Variants in HGD observed in about 807,000 individuals in gnomAD.
The protein encoded by HGD is homogentisate 1,2-dioxygenase.
Under a neutral mutation model 60.8 loss-of-function variants are expected in HGD, and 61 were observed. The ratio of observed to expected loss-of-function variants is 1.00; its 90% CI spans 0.82 to 1.24. The LOEUF is 1.24. Among genes scored for constraint, HGD ranks in the 50% most tolerant of loss-of-function variants. The probability of loss-of-function intolerance (pLI) is 0.00; values close to 1 mark genes in which losing one functional copy is unlikely to be tolerated. For missense variants in HGD, 542 were observed against 547.1 expected (o/e 0.99, Z 0.09); for synonymous variants, 212 against 187.7 (o/e 1.13, Z -1.06).
At chr3:120,679,950 G>A (rs1162193694) in intron 1 of HGD, among the ~76,000 whole-genome samples, 1 of 152,188 alleles carries the variant, frequency 6.6e-6, no homozygotes, top group Non-Finnish European at 1.5e-5. Flanking sequence ...AGCAGCAAGA[G>A]GAAATCAGTT....
intron 1 of HGD, among the ~76,000 whole-genome samples, chr3:120,678,489 G>C (rs970771369): frequency 6.6e-6 from 1 of 152,198 alleles, no homozygotes; most frequent in African/African-American, 2.4e-5. Context: ...CCCATTCTTT[G>C]TAACTGGTGG....
chr3:120,644,395 C>T lies in HGD; in HGVS notation c.698G>A (p.Trp233Ter). The change falls in exon 10 of 14, where the codon TGG becomes TAG. Residue 233 changes from tryptophan (W) to a stop codon, truncating the protein, a stop_gained. Coordinates refer to ENST00000283871, the MANE Select transcript of HGD (RefSeq NM_000187.4). LOFTEE classifies it high-confidence loss of function. ...NPRDFLIPIAWYEDRQVPGGY... is the reference protein window; with the variant it reads ...NPRDFLIPIA Reference sequence around the variant, plus strand: ...ACCTGGTACTTGGCGATCCTCATACCAGGCAATGGGTATCAAGAAATCACG... The same window carrying T: ...ACCTGGTACTTGGCGATCCTCATACTAGGCAATGGGTATCAAGAAATCACG... The T allele has an allele frequency of 6.2e-7, 1 of 1,614,092 alleles. No individual in the cohort carries two copies. The highest frequency in any genetic ancestry group is 1.1e-5 in the South Asian group (1 of 91,074).
intron 7 of HGD, among the ~76,000 whole-genome samples, 185 bp downstream of exon 7, chr3:120,647,692 G>A (rs1174575142): frequency 6.6e-6 from 1 of 152,160 alleles, no homozygotes; most frequent in Non-Finnish European, 1.5e-5. Context: ...ATAGAGTAGG[G>A]GCTTTGAGGT....
intron 3 of HGD, among the ~76,000 whole-genome samples, chr3:120,673,277 C>A (rs1708059782): frequency 6.6e-6 from 1 of 152,158 alleles, no homozygotes; most frequent in Non-Finnish European, 1.5e-5. Context: ...GGAACAGTGC[C>A]AGCTTCTTAA....
intron 2 of HGD, 142 bp from the exon 3 acceptor site, chr3:120,675,131 C>T (rs2107556302): frequency 3.0e-6 from 2 of 664,372 alleles, no homozygotes; most frequent in Admixed American, 4.1e-5. Flanking sequence ...CTTGTAACAA[C>T]TTTTGATGTG....
intron 4 of HGD, among the ~76,000 whole-genome samples, chr3:120,668,658 G>C (rs1707955564): frequency 6.6e-6 from 1 of 152,196 alleles, no homozygotes; most frequent in Non-Finnish European, 1.5e-5. Context: ...AGCTGTATCA[G>C]AATCATGGTT....
chr3:120,644,016 A>T (rs1941078771), intron 10 of HGD, among the ~76,000 whole-genome samples: 1 of 152,150 alleles, frequency 6.6e-6, no homozygotes, highest in African/African-American at 2.4e-5. Context: ...AAACCTACAT[A>T]TTGCTAATAT....
intron 12 of HGD, chr3:120,633,538 T>C (rs907180056): frequency 2.7e-6 from 4 of 1,490,462 alleles, no homozygotes; most frequent in Admixed American, 2.0e-5. Flanking sequence ...TCCATGGCCA[T>C]GTGGATTATC....
In HGD at chr3:120,646,273, G is replaced by T; in HGVS notation, c.643C>A (p.Pro215Thr). The T allele has an allele frequency of 1.3e-6, 2 of 1,598,894 alleles. No individual in the cohort carries two copies. Among genetic ancestry groups the T allele is most frequent in the Non-Finnish European group, 8.6e-7 (1 of 1,166,168 alleles). The part of the protein sequence containing the change: ...GVHFELPDLG[P>T]IGANGLANPR... ...GCTTGTAATGAAGATTTACCAATTG[G>T]TCCAAGGTCAGGTAACTCAAAGTGG... Residue 215 changes from proline to threonine, a missense_variant, in exon 9 of 14, where the codon CCA becomes ACA. By Grantham distance (38) the Pro-to-Thr change is conservative (BLOSUM62 -1). Transcript: ENST00000283871.
Position 120,641,728 on chromosome 3 carries a change from A to G in HGD, c.775-35T>C, listed in dbSNP as rs745663372. 53 of 1,374,370 alleles carry G rather than the reference A, an allele frequency of 3.9e-5. No homozygotes were observed. In the South Asian group the frequency reaches 5.3e-4, roughly 14 times the overall value. 85.1% of individuals were successfully genotyped at this position (1,374,370 alleles called of 1,614,324 possible). On this transcript the variant is annotated intron_variant, in intron 10 of 13. Transcript: ENST00000283871. ...AAAAGCAGGAAAGGATAATTTTACC[A>G]TCTAATGCTTTTGTAGCTGTGATCC...
Position 120,646,291 on chromosome 3 carries a change from C to A in HGD, c.625G>T (p.Glu209Ter). 1 of 1,612,472 alleles carries A rather than the reference C, an allele frequency of 6.2e-7. No individual in the cohort carries two copies. The highest frequency in any genetic ancestry group is 8.5e-7 in the Non-Finnish European group (1 of 1,178,520). ...YILEVYGVHF[E>*]LPDLGPIGAN... ...CCAATTGGTCCAAGGTCAGGTAACT[C>A]AAAGTGGACACCATAGACCTCCAAG... Residue 209 changes from glutamate to a stop codon, truncating the protein, a stop_gained, in exon 9 of 14, where the codon GAG becomes TAG. Coordinates refer to ENST00000283871, the MANE Select transcript of HGD (RefSeq NM_000187.4). LOFTEE classifies it high-confidence loss of function.
intron 4 of HGD, among the ~76,000 whole-genome samples, chr3:120,653,550 C>T (rs1470116360): frequency 6.6e-6 from 1 of 152,146 alleles, no homozygotes; most frequent in Non-Finnish European, 1.5e-5. Context: ...AAGGAAGCAG[C>T]AAGTGGAAAA....
chr3:120,659,279 CT>C (rs1224971528), intron 4 of HGD, among the ~76,000 whole-genome samples: 1 of 151,960 alleles, frequency 6.6e-6, no homozygotes, highest in East Asian at 1.9e-4. Flanking sequence ...TAAGTTCCAA[CT>C]TCAGGTCATT....
At chr3:120,650,722 C>T in intron 6 of HGD, 52 bp downstream of exon 6, 2 of 1,392,566 alleles carry the variant, frequency 1.4e-6, no homozygotes, top group Non-Finnish European at 2.0e-6. Flanking sequence ...TGACTTCTGG[C>T]CAAAATCCCT....
At chr3:120,642,493 G>A (rs1026258270) in intron 10 of HGD, among the ~76,000 whole-genome samples, 1 of 152,178 alleles carries the variant, frequency 6.6e-6, no homozygotes, top group Admixed American at 6.5e-5. Flanking sequence ...ACCCAGTGGT[G>A]TGCTGGTAAA....
In HGD at chr3:120,641,685, G is replaced by A. The variant is rs1036219564; in HGVS notation, c.783C>T (p.Ser261=). The A allele has an allele frequency of 6.2e-7, 1 of 1,610,746 alleles. No homozygotes were observed. Among genetic ancestry groups the A allele is most frequent in the Non-Finnish European group, 8.5e-7 (1 of 1,176,988 alleles). Residue 261 remains serine (S), a synonymous_variant, in exon 11 of 14, where the codon TCC becomes TCT. Coordinates refer to ENST00000283871, the MANE Select transcript of HGD (RefSeq NM_000187.4). ...GKLFAAKQDV[S]PFNVVAWHGN... is the part of the protein sequence containing the mutation. ...CGTGCCAGGCCACAACATTGAACGG[G>A]GAGACATCCTAAACACAAAAAGCAG...
intron 12 of HGD, 136 bp downstream of exon 12, chr3:120,638,319 C>T: frequency 1.9e-6 from 2 of 1,047,002 alleles, no homozygotes; most frequent in Non-Finnish European, 3.0e-6. Flanking sequence ...CAGCACTAGG[C>T]CTTGTGCAGC....
chr3:120,664,180 G>A (rs186245342), intron 4 of HGD, among the ~76,000 whole-genome samples: 43 of 152,172 alleles, frequency 2.8e-4, no homozygotes, highest in African/African-American at 8.4e-4. Flanking sequence ...TGTACAGGGA[G>A]GAAGAGAGAA....
chr3:120,679,257 A>G (rs1334821089), intron 1 of HGD, among the ~76,000 whole-genome samples: 2 of 152,198 alleles, frequency 1.3e-5, no homozygotes, highest in African/African-American at 4.8e-5. Context: ...GATTCTAGGT[A>G]ACACCTGATG....
Sources: allele counts gnomAD v4.1 joint callset (sites outside exome capture counted in the v4.1 genomes callset), GRCh38; gene constraint gnomAD v4.1.1; transcripts MANE v1.5; gene names NCBI Gene and HGNC (gene_info 2026-07-23, HGNC 2026-07-21).